The following CPEB4 variants were observed in gnomAD, a reference collection of about 807,000 sequenced individuals.
CPEB4 encodes cytoplasmic polyadenylation element-binding protein 4.
In CPEB4, 12 loss-of-function variants were observed where a neutral mutation model predicts 72.5. The ratio of observed to expected loss-of-function variants is 0.17; its 90% CI spans 0.11 to 0.27. CPEB4 has a LOEUF of 0.27. Among genes scored for constraint, CPEB4 ranks in the 10% least tolerant of loss-of-function variants. CPEB4 has a pLI of 1.00. For synonymous variants in CPEB4, 302 were observed against 326.3 expected, an observed-to-expected ratio of 0.93 and a Z score of 0.80; for missense variants, 614 against 908.5, an observed-to-expected ratio of 0.68 and a Z score of 4.17.
chr5:173,941,286 AT>A (rs1363041775), intron 3 of CPEB4, among the ~76,000 whole-genome samples: 1 of 152,176 alleles, frequency 6.6e-6, no homozygotes, highest in African/African-American at 2.4e-5. Flanking sequence ...CCTCTGTCTG[AT>A]TAAGTCAGAA....
In CPEB4 at chr5:173,889,839, A is replaced by G; in HGVS notation, c.106A>G (p.Asn36Asp). 1 of 1,614,212 alleles carries G rather than the reference A, an allele frequency of 6.2e-7. No homozygotes were observed. Among genetic ancestry groups the G allele is most frequent in the Non-Finnish European group, 8.5e-7 (1 of 1,180,032 alleles). Residue 36 changes from asparagine to aspartate, a missense_variant, in exon 1 of 10, where the codon AAT becomes GAT. By Grantham distance (23) the Asn-to-Asp change is conservative. Around this residue, in one of 5 missense-constraint regions of CPEB4, gnomAD observed 458 missense variants for 548.6 expected, o/e 0.83. Transcript: ENST00000265085. ...TCTGCAGCCTCCACACCATCACCAAAATGCCACCCCCAGCCCTGCTGCTTT... is the reference window on the plus strand; with the variant it reads ...TCTGCAGCCTCCACACCATCACCAAGATGCCACCCCCAGCCCTGCTGCTTT... Reference protein sequence around the residue: ...PHLQPPHHHQNATPSPAAFIN... With the variant: ...PHLQPPHHHQDATPSPAAFIN...
intron 1 of CPEB4, among the ~76,000 whole-genome samples, chr5:173,894,114 T>G (rs751228946): frequency 2.0e-5 from 3 of 152,172 alleles, no homozygotes; most frequent in East Asian, 3.9e-4. Flanking sequence ...CTGCCTCAGC[T>G]TCCCCAGTAG....
chr5:173,930,841 T>G (rs1361886980), intron 2 of CPEB4, among the ~76,000 whole-genome samples: 1 of 151,750 alleles, frequency 6.6e-6, no homozygotes, highest in Non-Finnish European at 1.5e-5. Context: ...ACAAAAAAAT[T>G]AGCCAGGCAT....
At chr5:173,904,972 G>GATAATAATA (rs370259283) in intron 1 of CPEB4, among the ~76,000 whole-genome samples, 92 of 125,232 alleles carry the variant, frequency 7.3e-4, no homozygotes, top group African/African-American at 1.7e-3. Context: ...CCCTGTCTCA[G>GATAATAATA]ATAATAATAA....
At chr5:173,897,271 T>G (rs1194791947) in intron 1 of CPEB4, among the ~76,000 whole-genome samples, 2 of 152,218 alleles carry the variant, frequency 1.3e-5, no homozygotes, top group African/African-American at 4.8e-5. Context: ...CACAGTTGTT[T>G]TATTAAGAAC....
At chr5:173,937,157 C>T (rs1198112540) in intron 3 of CPEB4, among the ~76,000 whole-genome samples, 1 of 151,638 alleles carries the variant, frequency 6.6e-6, no homozygotes, top group African/African-American at 2.4e-5. Flanking sequence ...ATTGTCCTGC[C>T]TCACCCTCCC....
chr5:173,896,736 T>C (rs2113129250), intron 1 of CPEB4, among the ~76,000 whole-genome samples: 1 of 152,318 alleles, frequency 6.6e-6, no homozygotes, highest in Middle Eastern at 3.4e-3. Flanking sequence ...AGTAAATCTT[T>C]TAAATTCCAG....
intron 2 of CPEB4, among the ~76,000 whole-genome samples, chr5:173,913,386 TG>T: frequency 6.6e-6 from 1 of 152,072 alleles, no homozygotes; most frequent in Non-Finnish European, 1.5e-5. Flanking sequence ...TTAGTAGAGA[TG>T]GGGTTTCACC....
At chr5:173,947,132 TATCAGGTCTTATCTACAC>T (rs1758048027) in intron 5 of CPEB4, among the ~76,000 whole-genome samples, 2 of 151,858 alleles carry the variant, frequency 1.3e-5, no homozygotes, top group African/African-American at 4.8e-5. Flanking sequence ...CCTGCCCTAT[TATCAGGTCTTATCTACAC>T]ATGCTTACCT....
In CPEB4 at chr5:173,950,157, T is replaced by A; in HGVS notation, c.1665+79T>A. ...TATATTTGAAAAACCCATAGACAAC[T>A]TGATGTGTTTGGGGTACTTAATTGA... On this transcript the variant is annotated intron_variant, in intron 7 of 9. Transcript: ENST00000265085. The surrounding 1 kb of genome is among the most constrained non-coding windows in gnomAD (Gnocchi z 5.0). The A allele has an allele frequency of 1.2e-6, 1 of 806,432 alleles. No homozygotes were observed. The highest frequency in any genetic ancestry group is 2.0e-6 in the Non-Finnish European group (1 of 490,984). 50.0% of individuals were successfully genotyped at this position (806,432 alleles called of 1,614,324 possible).
rs148171232 is a variant in CPEB4 at position 173,920,555 on chromosome 5, A to G, written c.1207+9951A>G. On this transcript the variant is annotated intron_variant, in intron 2 of 9. Transcript: ENST00000265085. ...TAACAGACTTTTCCAAATGTTACGA[A>G]ATAAAAGGAGAAGTGTTCAGGGTTG... 6.0e-4 allele frequency among the ~76,000 whole-genome samples: 92 copies of G among 152,300 alleles called. 2 individuals carry two copies. Among genetic ancestry groups the G allele is most frequent in the Middle Eastern group, 6.8e-3 (2 of 294 alleles).
At chr5:173,936,325 C>A (rs1215089296) in intron 3 of CPEB4, among the ~76,000 whole-genome samples, 1 of 152,194 alleles carries the variant, frequency 6.6e-6, no homozygotes, top group African/African-American at 2.4e-5. Context: ...CATGGTTTTC[C>A]ATCTGTGCAT....
chr5:173,917,657 CG>C (rs1756920641), intron 2 of CPEB4, among the ~76,000 whole-genome samples: 2 of 152,148 alleles, frequency 1.3e-5, no homozygotes, highest in Non-Finnish European at 2.9e-5. Flanking sequence ...ACCTGGCAGG[CG>C]GAGGTTGCAG....
intron 2 of CPEB4, among the ~76,000 whole-genome samples, chr5:173,923,880 C>T (rs1757155592): frequency 6.6e-6 from 1 of 152,016 alleles, no homozygotes. Context: ...AGGCTTCTGG[C>T]AAGGATAAAA....
intron 5 of CPEB4, among the ~76,000 whole-genome samples, chr5:173,945,586 A>G (rs1561630331): frequency 6.6e-6 from 1 of 152,230 alleles, no homozygotes; most frequent in Non-Finnish European, 1.5e-5. Flanking sequence ...GTTGTACTAC[A>G]AGAAGGATAA....
intron 3 of CPEB4, among the ~76,000 whole-genome samples, chr5:173,939,810 G>A (rs892785557): frequency 6.0e-5 from 9 of 150,966 alleles, no homozygotes; most frequent in Non-Finnish European, 1.0e-4. Flanking sequence ...AATTATTGAG[G>A]ACTTTATAAA....
chr5:173,901,922 C>T (rs1012452084), intron 1 of CPEB4, among the ~76,000 whole-genome samples: 1 of 152,088 alleles, frequency 6.6e-6, no homozygotes, highest in Non-Finnish European at 1.5e-5. Context: ...TCATACAGAG[C>T]TTATCACTAT....
At chr5:173,945,395 G>C (rs1460003351) in intron 5 of CPEB4, among the ~76,000 whole-genome samples, 1 of 152,208 alleles carries the variant, frequency 6.6e-6, no homozygotes, top group African/African-American at 2.4e-5. Context: ...GCTTCCAAGG[G>C]ACTTGATTAT....
Position 173,955,964 on chromosome 5 carries a change from G to A in CPEB4, c.2017G>A (p.Ala673Thr), listed in dbSNP as rs1410354895. 2 of 1,614,114 alleles carry A rather than the reference G, an allele frequency of 1.2e-6. No homozygotes were observed. The highest frequency in any genetic ancestry group is 1.7e-5 in the Admixed American group (1 of 60,006). The change falls in exon 10 of 10, where the codon GCC becomes ACC. Residue 673 changes from alanine (A) to threonine (T), a missense_variant. Coordinates refer to ENST00000265085, the MANE Select transcript of CPEB4 (RefSeq NM_030627.4). This position sits in a 1 kb window ranked among gnomAD's most constrained non-coding sequence, Gnocchi z 4.7. ...DDQLCDECQG[A>T]RCGGKFAPFF... ...TCAGCTGTGTGATGAATGTCAGGGG[G>A]CCCGTTGTGGGGGGAAATTTGCTCC...
Sources: allele counts gnomAD v4.1 joint callset (sites outside exome capture counted in the v4.1 genomes callset), GRCh38; gene constraint gnomAD v4.1.1; regional missense constraint gnomAD v4.1.1; non-coding constraint Gnocchi (gnomAD v3.1); transcripts MANE v1.5; gene names NCBI Gene and HGNC (gene_info 2026-07-23, HGNC 2026-07-21).